The following ANK1 variants were observed in gnomAD, a reference collection of about 807,000 sequenced individuals.
ANK1 encodes the protein ankyrin-1.
ANK1 carries 51 observed loss-of-function variants against 210.4 expected under a neutral mutation model. That is an observed-to-expected ratio of 0.24 (90% confidence interval 0.19 to 0.31). The LOEUF is 0.31. Among genes scored for constraint, ANK1 ranks in the 10% least tolerant of loss-of-function variants. The probability of loss-of-function intolerance (pLI) is 1.00; values close to 1 mark genes in which losing one functional copy is unlikely to be tolerated. For synonymous variants in ANK1, 967 were observed against 1,025.9 expected (o/e 0.94, Z 1.10); for missense variants, 2,051 against 2,504.4 (o/e 0.82, Z 3.86).
chr8:41,758,068 G>A lies in ANK1; in HGVS notation c.97C>T (p.Arg33Trp), dbSNP rs1448156749. The A allele has an allele frequency of 8.7e-6, 14 of 1,614,150 alleles. No individual in the cohort carries two copies. The highest frequency in any genetic ancestry group is 1.3e-5 in the African/African-American group (1 of 75,058). Reference protein sequence around the residue: ...GNLDKALDHLRNGVDINTCNQ... With the variant: ...GNLDKALDHLWNGVDINTCNQ... ...CAGGTGTTAATATCTACCCCATTCC[G>A]CAGGTGATCCAAAGCTTTGTCCAAG... Residue 33 changes from arginine to tryptophan, a missense_variant, in exon 2 of 43, where the codon CGG becomes TGG. Arg to Trp is a moderately radical substitution (Grantham distance 101). This residue lies in a region of ANK1 where 72 missense variants were observed against 133.5 expected (regional missense o/e 0.54). Coordinates refer to ENST00000289734, the MANE Select transcript of ANK1 (RefSeq NM_000037.4).
rs757079520 is a variant in ANK1 at position 41,684,675 on chromosome 8, G to A, written c.4406C>T (p.Thr1469Ile). 6.2e-6 allele frequency: 10 copies of A among 1,613,864 alleles called. No homozygotes were observed. Among genetic ancestry groups the A allele is most frequent in the Admixed American group, 1.7e-5 (1 of 60,034 alleles). ...GCCACGGTCAATGCTCTGCAGGGCT[G>A]TGTACAGATTCTCCACTGTGGGCGC... ...GQNANMENLY[T>I]ALQSIDRGEI... The change falls in exon 37 of 43, where the codon ACA (threonine) becomes ATA (isoleucine). Residue 1469 changes from threonine to isoleucine, a missense_variant. Coordinates refer to ENST00000289734, the MANE Select transcript of ANK1 (RefSeq NM_000037.4).
At chr8:41,773,375 C>A (rs1254069654) in intron 1 of ANK1, among the ~76,000 whole-genome samples, 1 of 152,038 alleles carries the variant, frequency 6.6e-6, no homozygotes, top group Admixed American at 6.6e-5. Flanking sequence ...CCAAAAAGGG[C>A]CAACATTAAA....
chr8:41,740,162 ATTT>A (rs34773901), intron 2 of ANK1, among the ~76,000 whole-genome samples: 7 of 137,444 alleles, frequency 5.1e-5, no homozygotes, highest in Middle Eastern at 3.7e-3. Context: ...TTTGTTTTTG[ATTT>A]TTTTTTTTTT....
chr8:41,870,450 G>A (rs1045801213), intron 1 of ANK1, among the ~76,000 whole-genome samples: 7 of 152,160 alleles, frequency 4.6e-5, no homozygotes, highest in Non-Finnish European at 8.8e-5. Flanking sequence ...AGGGACATGA[G>A]CGTCCCTCCA....
Position 41,704,005 on chromosome 8 carries a change from G to A in ANK1, c.2295+36C>T. The A allele has an allele frequency of 6.3e-7, 1 of 1,580,206 alleles. No individual in the cohort carries two copies. Among genetic ancestry groups the A allele is most frequent in the South Asian group, 1.1e-5 (1 of 90,328 alleles). On this transcript the variant is annotated intron_variant, in intron 20 of 42. Coordinates refer to ENST00000289734, the MANE Select transcript of ANK1 (RefSeq NM_000037.4). The surrounding 1 kb of genome is among the most constrained non-coding windows in gnomAD (Gnocchi z 4.1). ...TCACACAGGGCTGCTGCCATGGGGA[G>A]CAGTTTTCTAAACTCAGGAGAGAGA...
At chr8:41,665,082 C>A in intron 39 of ANK1, 2 of 1,593,328 alleles carry the variant, frequency 1.3e-6, no homozygotes, top group East Asian at 4.5e-5. Flanking sequence ...CCACGGGGGG[C>A]CTGCCTCTCA....
upstream of ANK1, among the ~76,000 whole-genome samples, chr8:41,800,761 C>G (rs1849740719): frequency 6.6e-6 from 1 of 152,200 alleles, no homozygotes; most frequent in Non-Finnish European, 1.5e-5. Flanking sequence ...GCATCTCGCT[C>G]TGTCACCAGG....
chr8:41,721,896 C>A (rs927415587), intron 9 of ANK1, among the ~76,000 whole-genome samples: 5 of 152,184 alleles, frequency 3.3e-5, no homozygotes, highest in Non-Finnish European at 7.3e-5. Flanking sequence ...CATAAGCATT[C>A]TTTTCAGCCC....
chr8:41,664,855 C>T (rs775795061), intron 39 of ANK1: 9 of 1,613,122 alleles, frequency 5.6e-6, no homozygotes, highest in East Asian at 4.5e-5. Flanking sequence ...GTCTCCTCGT[C>T]GTCACTGAGG....
intron 1 of ANK1, among the ~76,000 whole-genome samples, chr8:41,831,730 G>A (rs910505611): frequency 1.3e-5 from 2 of 151,962 alleles, no homozygotes; most frequent in Admixed American, 6.6e-5. Flanking sequence ...GAAGGTACCT[G>A]TACCCAAATT....
At chr8:41,826,288 C>T (rs1805359584) in intron 1 of ANK1, among the ~76,000 whole-genome samples, 1 of 152,174 alleles carries the variant, frequency 6.6e-6, no homozygotes, top group South Asian at 2.1e-4. Flanking sequence ...CTAAGTTACT[C>T]ACTGTAACTG....
At position 41,672,474 on chromosome 8, in the gene ANK1, G is replaced by A. The variant is rs369796910; in HGVS notation, c.4976C>T (p.Ala1659Val). 3.7e-5 allele frequency: 59 copies of A among 1,614,178 alleles called. No individual in the cohort carries two copies. Among genetic ancestry groups the A allele is most frequent in the Middle Eastern group, 3.3e-4 (2 of 6,062 alleles). The change falls in exon 38 of 43, where the codon GCG becomes GTG. Residue 1659 changes from alanine (A) to valine (V), a missense_variant. By Grantham distance (64) the Ala-to-Val change is moderately conservative. Around this residue, in one of 6 missense-constraint regions of ANK1, gnomAD observed 496 missense variants for 533.4 expected, o/e 0.93. Transcript: ENST00000289734. ...CTCTGAGTCCTGCCCTGCACCTGTC[G>A]CGTCATCCTGCCTCTTAGAACCTGG... is the stretch of plus-strand genomic sequence containing the variant. Reference protein sequence around the residue: ...KLPGSKRQDDATGAGQDSENE... With the variant: ...KLPGSKRQDDVTGAGQDSENE...
chr8:41,835,741 T>C (rs1807561086), intron 1 of ANK1, among the ~76,000 whole-genome samples: 2 of 152,252 alleles, frequency 1.3e-5, no homozygotes, highest in South Asian at 4.1e-4. Context: ...ACCTAGAACA[T>C]GTGGTCCTCA....
chr8:41,890,419 C>A (rs376013590), intron 1 of ANK1, among the ~76,000 whole-genome samples: 1 of 152,232 alleles, frequency 6.6e-6, no homozygotes, highest in Non-Finnish European at 1.5e-5. Flanking sequence ...AAAACAAACA[C>A]TGGCTGGGTG....
chr8:41,800,954 C>T (rs1849771882), upstream of ANK1, among the ~76,000 whole-genome samples: 1 of 152,094 alleles, frequency 6.6e-6, no homozygotes, highest in South Asian at 2.1e-4. Context: ...TTTAGTTTTG[C>T]CATGTTTTTG....
intron 1 of ANK1, among the ~76,000 whole-genome samples, chr8:41,865,388 C>T (rs534976539): frequency 6.6e-6 from 1 of 152,160 alleles, no homozygotes; most frequent in Admixed American, 6.5e-5. Context: ...TGTGGGTGCC[C>T]ACCATGCCTA....
upstream of ANK1, among the ~76,000 whole-genome samples, chr8:41,798,960 G>A (rs2150773928): frequency 6.6e-6 from 1 of 152,304 alleles, no homozygotes; most frequent in African/African-American, 2.4e-5. Context: ...ATGCCACCGA[G>A]ATCAGCTTCA....
At chr8:41,744,997 T>C (rs1328044288) in intron 2 of ANK1, among the ~76,000 whole-genome samples, 7 of 152,018 alleles carry the variant, frequency 4.6e-5, no homozygotes, top group Non-Finnish European at 7.4e-5. Flanking sequence ...TGATGAGACA[T>C]GACAACTAAA....
chr8:41,660,340 C>T (rs745579447), intron 42 of ANK1: 4 of 440,410 alleles, frequency 9.1e-6, no homozygotes, highest in South Asian at 1.7e-5. Flanking sequence ...CCTTGCTGCT[C>T]GGTCCCAGAG....
Sources: gnomAD v4.1 joint callset for allele counts (sites outside exome capture counted in the v4.1 genomes callset) on GRCh38, gnomAD v4.1.1 for gene constraint, gnomAD v4.1.1 regional missense constraint, Gnocchi (gnomAD v3.1) non-coding constraint, MANE v1.5 for transcripts, NCBI Gene and HGNC (gene_info 2026-07-23, HGNC 2026-07-21) for gene names.